Variants in SLC24A2 observed in about 807,000 individuals in gnomAD.
SLC24A2 encodes sodium/potassium/calcium exchanger 2.
In SLC24A2, 36 loss-of-function variants were observed where a neutral mutation model predicts 62.0. The observed-to-expected ratio is 0.58, with a 90% CI of 0.44 to 0.77. The LOEUF is 0.77. SLC24A2 is among the 30% of genes least tolerant of loss of function. SLC24A2 has a pLI of 0.00. For missense variants in SLC24A2, 846 were observed against 817.9 expected (o/e 1.03, Z -0.42); for synonymous variants, 358 against 294.0 (o/e 1.22, Z -2.23).
the SLC24A2 span, among the ~76,000 whole-genome samples, chr9:20,125,065 T>C: frequency 1.8e-4 from 28 of 152,310 alleles, no homozygotes; most frequent in African/African-American, 6.3e-4. Context: ...AACTGCATAA[T>C]CTTGCCATGA....
chr9:19,541,847 C>G lies in SLC24A2; in HGVS notation c.1479+8290G>C, dbSNP rs545884936. ...GTTTGATCTCAGACTGCTGTGCTAGCAATCAGCGAGATTCCGTGGGCGTAG... is the reference window on the plus strand; with the variant it reads ...GTTTGATCTCAGACTGCTGTGCTAGGAATCAGCGAGATTCCGTGGGCGTAG... On this transcript the variant is annotated intron_variant, in intron 8 of 10. Transcript: ENST00000341998. Among the ~76,000 whole-genome samples the G allele has an allele frequency of 9.8e-3, 1,484 of 151,630 alleles. 28 individuals are homozygous for G. Among genetic ancestry groups the G allele is most frequent in the African/African-American group, 0.035 (1,425 of 41,288 alleles).
chr9:19,706,507 G>A (rs898358838), intron 2 of SLC24A2, among the ~76,000 whole-genome samples: 1 of 151,592 alleles, frequency 6.6e-6, no homozygotes, highest in Non-Finnish European at 1.5e-5. Flanking sequence ...AGCCTCCCGT[G>A]TAGCTGGGAC....
the SLC24A2 span, among the ~76,000 whole-genome samples, chr9:19,939,548 G>GGGTGAGTCAGTGAGTGAGT: frequency 6.6e-6 from 1 of 152,234 alleles, no homozygotes; most frequent in Non-Finnish European, 1.5e-5. Flanking sequence ...AAGGTGCTCT[G>GGGTGAGTCAGTGAGTGAGT]GGTGAGTCAG....
chr9:20,096,085 ATCCGTCCG>A, the SLC24A2 span, among the ~76,000 whole-genome samples: 5,530 of 140,454 alleles, frequency 0.039, 126 homozygotes, highest in South Asian at 0.083. Flanking sequence ...CCATCCATCC[ATCCGTCCG>A]TCCGTCCGTC....
chr9:19,912,139 G>T, the SLC24A2 span, among the ~76,000 whole-genome samples: 2 of 152,040 alleles, frequency 1.3e-5, no homozygotes, highest in African/African-American at 4.8e-5. Flanking sequence ...ACCGAGGCCA[G>T]CAGTTAGATG....
chr9:19,636,390 C>CCCCTCTCT lies in SLC24A2; in HGVS notation c.931-14092_931-14091insAGAGAGGG, dbSNP rs1554690448. On this transcript the variant is annotated intron_variant, in intron 2 of 10. Transcript: ENST00000341998. ...TTCTTTCTTTCTTTCTTTCTTTCTC[C>CCCCTCTCT]CTCTCTCTCTCTCTCTCTTTCTTTC... Among the ~76,000 whole-genome samples the CCCCTCTCT allele has an allele frequency of 1.6e-3, 105 of 67,024 alleles. 8 individuals are homozygous for CCCCTCTCT. The highest frequency in any genetic ancestry group is 7.5e-3 in the African/African-American group (100 of 13,294). 44.0% of individuals were successfully genotyped at this position (67,024 alleles called of 152,430 possible). A position where few individuals can be genotyped will look rare whatever the true frequency, so the allele number is the denominator to read the frequency against.
the SLC24A2 span, among the ~76,000 whole-genome samples, chr9:19,838,587 C>T: frequency 5.3e-5 from 8 of 150,192 alleles, no homozygotes; most frequent in South Asian, 2.1e-4. Flanking sequence ...TGCAGTGAGT[C>T]GAGACGGTGC....
At chr9:20,243,536 C>G in the SLC24A2 span, among the ~76,000 whole-genome samples, 1 of 152,134 alleles carries the variant, frequency 6.6e-6, no homozygotes, top group Non-Finnish European at 1.5e-5. Flanking sequence ...AGGGTATCTT[C>G]AATCTGAGAT....
the SLC24A2 span, among the ~76,000 whole-genome samples, chr9:19,914,652 C>T: frequency 1.3e-5 from 2 of 152,070 alleles, no homozygotes; most frequent in Non-Finnish European, 2.9e-5. Context: ...CATAATCTAG[C>T]CGAGAGTGAC....
chr9:19,925,137 C>A, the SLC24A2 span, among the ~76,000 whole-genome samples: 1 of 152,334 alleles, frequency 6.6e-6, no homozygotes, highest in East Asian at 1.9e-4. Context: ...CCCCACAGAC[C>A]TGCACAGATG....
At chr9:19,819,773 A>G in the SLC24A2 span, among the ~76,000 whole-genome samples, 1 of 151,960 alleles carries the variant, frequency 6.6e-6, no homozygotes, top group Non-Finnish European at 1.5e-5. Flanking sequence ...AAACTAGTGC[A>G]GCCACTATGG....
At chr9:20,298,466 T>A in the SLC24A2 span, among the ~76,000 whole-genome samples, 1 of 152,164 alleles carries the variant, frequency 6.6e-6, no homozygotes, top group East Asian at 1.9e-4. Flanking sequence ...TGACCTCAGG[T>A]GATCGGCCTG....
At chr9:19,992,239 A>G in the SLC24A2 span, among the ~76,000 whole-genome samples, 1 of 152,220 alleles carries the variant, frequency 6.6e-6, no homozygotes, top group Admixed American at 6.5e-5. Flanking sequence ...AGGCTTGGTC[A>G]TATAGGTCTG....
chr9:20,088,137 G>C, the SLC24A2 span, among the ~76,000 whole-genome samples: 2 of 152,330 alleles, frequency 1.3e-5, no homozygotes, highest in African/African-American at 4.8e-5. Flanking sequence ...CAAATCAGGA[G>C]GTTGGACCCC....
chr9:19,708,061 A>G (rs1420633712), intron 2 of SLC24A2, among the ~76,000 whole-genome samples: 1 of 152,236 alleles, frequency 6.6e-6, no homozygotes, highest in Non-Finnish European at 1.5e-5. Flanking sequence ...GCAAAGTCAC[A>G]GGATAGAAAA....
chr9:20,300,074 T>C, the SLC24A2 span, among the ~76,000 whole-genome samples: 1 of 152,208 alleles, frequency 6.6e-6, no homozygotes. Flanking sequence ...AAAATGCATA[T>C]GTAAATACAC....
the SLC24A2 span, among the ~76,000 whole-genome samples, chr9:20,277,061 C>T: frequency 6.6e-6 from 1 of 152,210 alleles, no homozygotes; most frequent in Non-Finnish European, 1.5e-5. Context: ...CATGTGGCTC[C>T]TCATTACCTT....
the SLC24A2 span, among the ~76,000 whole-genome samples, chr9:20,196,703 C>T: frequency 6.6e-6 from 1 of 152,166 alleles, no homozygotes; most frequent in African/African-American, 2.4e-5. Context: ...AGGAGGCCTG[C>T]AAAGGATTTG....
the SLC24A2 span, among the ~76,000 whole-genome samples, chr9:19,795,729 C>T: frequency 6.6e-6 from 1 of 152,092 alleles, no homozygotes; most frequent in Non-Finnish European, 1.5e-5. Flanking sequence ...CTCTCTGAAG[C>T]CTCCATCTCA....
Sources: allele counts gnomAD v4.1 joint callset (sites outside exome capture counted in the v4.1 genomes callset), GRCh38; gene constraint gnomAD v4.1.1; transcripts MANE v1.5; gene names NCBI Gene and HGNC (gene_info 2026-07-23, HGNC 2026-07-21).